TAOK3: variants seen among roughly 807,000 people sequenced by gnomAD.
TAOK3 encodes the protein TAO kinase 3.
Under a neutral mutation model 120.4 loss-of-function variants are expected in TAOK3, and 40 were observed. The observed-to-expected ratio is 0.33, with a 90% CI of 0.26 to 0.43. TAOK3 has a LOEUF of 0.43. TAOK3 is among the 20% of genes least tolerant of loss of function. The pLI, the probability that TAOK3 is intolerant of heterozygous loss-of-function variation, is 1.00. For synonymous variants in TAOK3, 355 were observed against 387.5 expected (o/e 0.92, Z 0.99); for missense variants, 821 against 1,112.1 (o/e 0.74, Z 3.72).
At chr12:118,182,611 ATATATATATATAT>A (rs1251503455) in intron 14 of TAOK3, among the ~76,000 whole-genome samples, 2 of 83,972 alleles carry the variant, frequency 2.4e-5, no homozygotes, top group African/African-American at 1.1e-4. Flanking sequence ...ATATATATAT[ATATATATATATAT>A]TTTTTTTTTT....
chr12:118,159,797 CTT>C, intron 19 of TAOK3: 1 of 326,052 alleles, frequency 3.1e-6, no homozygotes, highest in Non-Finnish European at 5.8e-6. Flanking sequence ...GGCAGGGACT[CTT>C]ATTCATTTGT....
At chr12:118,358,770 T>C (rs866981043) in intron 1 of TAOK3, 15 of 152,168 alleles carry the variant, frequency 9.9e-5, no homozygotes, top group African/African-American at 1.2e-4. Context: ...ACTTTTGAGG[T>C]TGATTACTCT....
chr12:118,295,654 A>G (rs2042652599), intron 1 of TAOK3, among the ~76,000 whole-genome samples: 1 of 152,212 alleles, frequency 6.6e-6, no homozygotes, highest in Non-Finnish European at 1.5e-5. Flanking sequence ...ACAGTTTCTC[A>G]ATAAATACTC....
intron 11 of TAOK3, among the ~76,000 whole-genome samples, chr12:118,204,736 T>G (rs568768485): frequency 4.6e-5 from 7 of 152,090 alleles, no homozygotes; most frequent in Non-Finnish European, 8.8e-5. Context: ...CTTAGAAAAC[T>G]TTCTGTTTCA....
intron 1 of TAOK3, among the ~76,000 whole-genome samples, chr12:118,357,466 T>C (rs1437568646): frequency 6.6e-6 from 1 of 152,216 alleles, no homozygotes; most frequent in Non-Finnish European, 1.5e-5. Context: ...ATAAGGAATA[T>C]AGCCACAATA....
rs186079717 is a variant in TAOK3 at position 118,337,583 on chromosome 12, C to T, written c.-194+35065G>A. The stretch of plus-strand genomic sequence containing the variant: ...CATACCATGGAAAATTACTCAACAA[C>T]AAAAAGGTATTAACTATTGACACAC... On this transcript the variant is annotated intron_variant, in intron 1 of 20. Transcript: ENST00000392533. Among the ~76,000 whole-genome samples the T allele has an allele frequency of 1.7e-3, 263 of 152,166 alleles. 1 individual carries two copies. Among genetic ancestry groups the T allele is most frequent in the Non-Finnish European group, 3.1e-3 (214 of 68,000 alleles).
intron 9 of TAOK3, 173 bp from the exon 10 acceptor site, chr12:118,214,283 G>A (rs2038773435): frequency 7.5e-6 from 4 of 535,128 alleles, no homozygotes; most frequent in Non-Finnish European, 1.3e-5. Context: ...CCATTCAGAA[G>A]AAGCTGCCGG....
intron 1 of TAOK3, among the ~76,000 whole-genome samples, chr12:118,337,147 A>G (rs2044401585): frequency 6.6e-6 from 1 of 152,224 alleles, no homozygotes. Flanking sequence ...GCAAATAAAC[A>G]TATGAAAAGA....
intron 1 of TAOK3, among the ~76,000 whole-genome samples, chr12:118,341,542 T>C (rs562410433): frequency 1.3e-3 from 199 of 152,292 alleles, no homozygotes; most frequent in African/African-American, 4.7e-3. Flanking sequence ...CCAGATTAAG[T>C]TGCCCTAGCA....
intron 3 of TAOK3, among the ~76,000 whole-genome samples, chr12:118,252,723 CTT>C (rs781342587): frequency 1.1e-4 from 15 of 139,840 alleles, no homozygotes; most frequent in South Asian, 2.3e-4. Flanking sequence ...TTTTTCTTTT[CTT>C]TTTTTTTTTT....
chr12:118,157,881 ACT>A (rs906659815), intron 19 of TAOK3, among the ~76,000 whole-genome samples: 9 of 152,022 alleles, frequency 5.9e-5, no homozygotes, highest in Admixed American at 2.0e-4. Context: ...TCTTTCTTCA[ACT>A]CTCTCTCCTT....
chr12:118,230,406 A>G (rs963089370), intron 9 of TAOK3, among the ~76,000 whole-genome samples: 1 of 149,804 alleles, frequency 6.7e-6, no homozygotes, highest in African/African-American at 2.5e-5. Flanking sequence ...CTATTTCTCC[A>G]AAGTTGTTTT....
intron 1 of TAOK3, among the ~76,000 whole-genome samples, chr12:118,365,701 C>G (rs1472248408): frequency 6.6e-6 from 1 of 152,202 alleles, no homozygotes; most frequent in Non-Finnish European, 1.5e-5. Flanking sequence ...GTGCTTCGTA[C>G]TATACTTACC....
At chr12:118,198,498 T>A (rs1228517315) in intron 13 of TAOK3, 1 of 154,108 alleles carries the variant, frequency 6.5e-6, no homozygotes, top group African/African-American at 2.4e-5. Context: ...GCAATTCTCC[T>A]GCCTCAGCCT....
chr12:118,340,734 A>G (rs985688203), intron 1 of TAOK3, among the ~76,000 whole-genome samples: 5 of 151,774 alleles, frequency 3.3e-5, no homozygotes, highest in Non-Finnish European at 7.4e-5. Flanking sequence ...AAATCATTTC[A>G]TCTATAAATA....
intron 11 of TAOK3, among the ~76,000 whole-genome samples, chr12:118,204,464 G>T (rs2038191940): frequency 6.6e-6 from 1 of 152,064 alleles, no homozygotes; most frequent in African/African-American, 2.4e-5. Context: ...ATGTCTTGTG[G>T]TTCTGCATTC....
chr12:118,355,627 T>C (rs2045359408), intron 1 of TAOK3, among the ~76,000 whole-genome samples: 1 of 152,240 alleles, frequency 6.6e-6, no homozygotes, highest in Non-Finnish European at 1.5e-5. Context: ...ACTTCTATTA[T>C]TATAACGCTG....
At chr12:118,258,466 T>G (rs353891) in intron 2 of TAOK3, among the ~76,000 whole-genome samples, 1 of 152,028 alleles carries the variant, frequency 6.6e-6, no homozygotes, top group Non-Finnish European at 1.5e-5. Flanking sequence ...GTAATCCCAG[T>G]ACTTTGGGAG....
intron 7 of TAOK3, among the ~76,000 whole-genome samples, chr12:118,236,975 G>A (rs1489741228): frequency 6.6e-6 from 1 of 152,160 alleles, no homozygotes; most frequent in Non-Finnish European, 1.5e-5. Context: ...AGCTTTAAAT[G>A]AGAGCAGGCA....
Sources: allele counts gnomAD v4.1 joint callset (sites outside exome capture counted in the v4.1 genomes callset), GRCh38; gene constraint gnomAD v4.1.1; transcripts MANE v1.5; gene names NCBI Gene and HGNC (gene_info 2026-07-23, HGNC 2026-07-21).